Variants in GPC5 observed in about 807,000 individuals in gnomAD.
GPC5 encodes the protein glypican-5.
A neutral mutation model predicts 53.9 loss-of-function variants in GPC5; 47 were observed. That is an observed-to-expected ratio of 0.87 (90% CI 0.69 to 1.11). The LOEUF (loss-of-function observed/expected upper bound fraction) is 1.11. Among genes scored for constraint, GPC5 ranks in the 50% most tolerant of loss-of-function variants. The pLI is 0.00. For missense variants in GPC5, 748 were observed against 713.1 expected, an observed-to-expected ratio of 1.05 and a Z score of -0.56; for synonymous variants, 286 against 263.3, an observed-to-expected ratio of 1.09 and a Z score of -0.84.
chr13:91,612,830 T>C (rs536407293), intron 2 of GPC5, among the ~76,000 whole-genome samples: 21 of 152,306 alleles, frequency 1.4e-4, no homozygotes, highest in African/African-American at 5.1e-4. Flanking sequence ...TGTTATTTAG[T>C]ATAACAAAAA....
intron 6 of GPC5, among the ~76,000 whole-genome samples, chr13:91,975,331 G>A (rs948821203): frequency 5.3e-5 from 8 of 152,264 alleles, no homozygotes; most frequent in African/African-American, 1.2e-4. Context: ...GAGTGAACAC[G>A]CAACCTACAA....
intron 7 of GPC5, among the ~76,000 whole-genome samples, chr13:92,208,771 C>A (rs1396398815): frequency 1.3e-5 from 2 of 152,144 alleles, no homozygotes; most frequent in Non-Finnish European, 2.9e-5. Context: ...ATTCACATAT[C>A]TTTTTCAATA....
chr13:92,315,603 T>C (rs532474454), intron 7 of GPC5, among the ~76,000 whole-genome samples: 2 of 152,304 alleles, frequency 1.3e-5, no homozygotes, highest in South Asian at 2.1e-4. Context: ...TAGTGAAATA[T>C]GAAAACTTAA....
intron 2 of GPC5, among the ~76,000 whole-genome samples, chr13:91,485,361 T>C (rs911261063): frequency 1.3e-5 from 2 of 151,958 alleles, no homozygotes; most frequent in African/African-American, 2.4e-5. Flanking sequence ...TACAGGTGCA[T>C]ACCACCATGC....
chr13:91,880,615 G>A (rs1426623530), intron 5 of GPC5, among the ~76,000 whole-genome samples: 3 of 151,974 alleles, frequency 2.0e-5, no homozygotes, highest in Admixed American at 6.6e-5. Context: ...CATTTTTTGG[G>A]AACGCCATAT....
rs1461051175 is a variant in GPC5, at chr13:91,760,007, G to A, written c.1280+3587G>A. Among the ~76,000 whole-genome samples the A allele has an allele frequency of 2.6e-5, 4 of 152,008 alleles. No homozygotes were observed. The East Asian group carries it at 7.7e-4, about 29-fold the overall frequency. ...TTTAGGACAAAGTACTAGGGGGCAG[G>A]GAGGTCTTTTATTTTTTAATTTGTA... is the stretch of plus-strand genomic sequence containing the variant. On this transcript the variant is annotated intron_variant, in intron 5 of 7. Transcript: ENST00000377067.
intron 7 of GPC5, among the ~76,000 whole-genome samples, chr13:92,453,948 C>A (rs370840559): frequency 6.6e-6 from 1 of 152,106 alleles, no homozygotes; most frequent in Non-Finnish European, 1.5e-5. Context: ...ATAAATAGCA[C>A]GCAAAATGTC....
chr13:92,700,004 ATCTG>A (rs1337294203), intron 7 of GPC5, among the ~76,000 whole-genome samples: 1 of 152,114 alleles, frequency 6.6e-6, no homozygotes, highest in Non-Finnish European at 1.5e-5. Context: ...TGACTTGTTG[ATCTG>A]TCTAATATTG....
At chr13:92,447,635 A>G (rs973995291) in intron 7 of GPC5, 2 of 152,160 alleles carry the variant, frequency 1.3e-5, no homozygotes. Flanking sequence ...TATGCTTTTG[A>G]AAGTAAAGTA....
intron 2 of GPC5, among the ~76,000 whole-genome samples, chr13:91,611,623 T>C (rs1235047177): frequency 3.9e-5 from 6 of 152,230 alleles, no homozygotes; most frequent in African/African-American, 1.4e-4. Context: ...TGTTCCAGTT[T>C]CAGCTCATGG....
chr13:92,321,056 T>A lies in GPC5; in HGVS notation c.1561+176067T>A, dbSNP rs544604299. Among the ~76,000 whole-genome samples the A allele has an allele frequency of 4.3e-3, 468 of 108,476 alleles. 12 individuals carry two copies. Among genetic ancestry groups the A allele is most frequent in the Admixed American group, 5.9e-3 (73 of 12,352 alleles). 71.2% of individuals were successfully genotyped at this position (108,476 alleles called of 152,430 possible). On this transcript the variant is annotated intron_variant, in intron 7 of 7. Coordinates refer to ENST00000377067, the MANE Select transcript of GPC5 (RefSeq NM_004466.6). ...ATGTAGGATATTCTTAGAAACTACC[T>A]TCCTAAAAGTATGTGGAAGATATCT...
At chr13:92,353,230 G>A (rs1460552531) in intron 7 of GPC5, among the ~76,000 whole-genome samples, 3 of 137,198 alleles carry the variant, frequency 2.2e-5, no homozygotes, top group Non-Finnish European at 4.6e-5. Context: ...ACTGCAGTCC[G>A]CAGTCTGGCC....
intron 7 of GPC5, among the ~76,000 whole-genome samples, chr13:92,226,880 G>A (rs985576310): frequency 4.6e-5 from 7 of 152,088 alleles, no homozygotes; most frequent in Non-Finnish European, 1.0e-4. Flanking sequence ...GATTGCAGGC[G>A]TGAGCCACCG....
chr13:91,763,680 A>G (rs559242038), intron 5 of GPC5, among the ~76,000 whole-genome samples: 1 of 152,186 alleles, frequency 6.6e-6, no homozygotes, highest in Non-Finnish European at 1.5e-5. Context: ...TGGCTGTATA[A>G]TATCCCTATG....
chr13:91,785,804 T>G (rs1250396693), intron 5 of GPC5, among the ~76,000 whole-genome samples: 1 of 152,228 alleles, frequency 6.6e-6, no homozygotes, highest in Non-Finnish European at 1.5e-5. Flanking sequence ...ACATTCAAAG[T>G]GCAGTCATCT....
intron 1 of GPC5, among the ~76,000 whole-genome samples, chr13:91,409,430 A>G (rs1020532805): frequency 2.6e-5 from 4 of 152,252 alleles, no homozygotes; most frequent in African/African-American, 7.2e-5. Context: ...AGTTTGCATT[A>G]CAAGAGCAGA....
intron 7 of GPC5, among the ~76,000 whole-genome samples, chr13:92,168,299 C>T (rs1022319587): frequency 2.0e-5 from 3 of 152,206 alleles, no homozygotes; most frequent in African/African-American, 7.2e-5. Flanking sequence ...ATATTGAAAA[C>T]ATCAAAAGCA....
intron 6 of GPC5, among the ~76,000 whole-genome samples, chr13:92,120,711 A>C (rs187955043): frequency 2.0e-5 from 3 of 152,326 alleles, no homozygotes; most frequent in Admixed American, 2.0e-4. Context: ...GTAATGTTAA[A>C]ATTGTGTTTA....
intron 7 of GPC5, among the ~76,000 whole-genome samples, chr13:92,601,401 C>A (rs1282844140): frequency 6.6e-6 from 1 of 151,298 alleles, no homozygotes; most frequent in Non-Finnish European, 1.5e-5. Flanking sequence ...ACTAAAAATA[C>A]AAAATCAGCC....
Sources: allele counts gnomAD v4.1 joint callset (sites outside exome capture counted in the v4.1 genomes callset), GRCh38; gene constraint gnomAD v4.1.1; transcripts MANE v1.5; gene names NCBI Gene and HGNC (gene_info 2026-07-23, HGNC 2026-07-21).